RUNX2: variants seen among roughly 807,000 people sequenced by gnomAD.
The protein encoded by RUNX2 is RUNX family transcription factor 2, also known as runt-related transcription factor 2.
A neutral mutation model predicts 51.7 loss-of-function variants in RUNX2; 10 were observed. The observed-to-expected ratio is 0.19, with a 90% CI of 0.12 to 0.33. The LOEUF (loss-of-function observed/expected upper bound fraction) is 0.33. Ranked by LOEUF, RUNX2 falls within the 10% of genes least tolerant of loss-of-function variation. RUNX2 has a pLI of 1.00. For synonymous variants in RUNX2, 276 were observed against 273.6 expected (o/e 1.01, Z -0.09); for missense variants, 562 against 691.3 (o/e 0.81, Z 2.10).
intron 2 of RUNX2, among the ~76,000 whole-genome samples, chr6:45,408,862 G>A (rs1038745749): frequency 6.6e-6 from 1 of 152,210 alleles, no homozygotes; most frequent in Admixed American, 6.5e-5. Context: ...CTGATGAACA[G>A]CTATGGAGCT....
At chr6:45,470,865 G>A (rs1445783616) in intron 5 of RUNX2, among the ~76,000 whole-genome samples, 1 of 152,034 alleles carries the variant, frequency 6.6e-6, no homozygotes, top group African/African-American at 2.4e-5. Flanking sequence ...TGGCTTTTGT[G>A]AGGGCAAAAA....
At chr6:45,401,872 T>C (rs545202508) in intron 2 of RUNX2, among the ~76,000 whole-genome samples, 71 of 152,354 alleles carry the variant, frequency 4.7e-4, no homozygotes, top group African/African-American at 1.6e-3. Context: ...TGGTGCTCAT[T>C]TGGCACAAAC....
At chr6:45,451,020 G>T (rs766975501) in intron 5 of RUNX2, among the ~76,000 whole-genome samples, 1 of 152,168 alleles carries the variant, frequency 6.6e-6, no homozygotes, top group Non-Finnish European at 1.5e-5. Flanking sequence ...TTAAGGCTTC[G>T]AGGACAGGAT....
rs1191064002 is a variant in RUNX2, at chr6:45,548,897, A to T, written c.*1592A>T. 3 of 368,592 alleles carry T rather than the reference A, an allele frequency of 8.1e-6. No homozygotes were observed. Among genetic ancestry groups the T allele is most frequent in the Non-Finnish European group, 1.4e-5 (3 of 207,102 alleles). The allele number at this position is 368,592 out of a possible 1,614,324, so 22.8% of individuals were successfully genotyped here. A position where few individuals can be genotyped will look rare whatever the true frequency, so the allele number is the denominator to read the frequency against. ...TTTGCATTTAGAGGAGCAGAATGACATCACTGTCCTTTGGGAGTAGGTCCT... is the reference window on the plus strand; with the variant it reads ...TTTGCATTTAGAGGAGCAGAATGACTTCACTGTCCTTTGGGAGTAGGTCCT... On this transcript the variant is annotated 3_prime_UTR_variant, in exon 9 of 9. Coordinates refer to ENST00000647337, the MANE Select transcript of RUNX2 (RefSeq NM_001024630.4).
chr6:45,341,618 C>T (rs1789796612), intron 2 of RUNX2, among the ~76,000 whole-genome samples: 1 of 152,032 alleles, frequency 6.6e-6, no homozygotes, highest in South Asian at 2.1e-4. Flanking sequence ...ATAAAGAGTA[C>T]AATGGCATAA....
intron 2 of RUNX2, among the ~76,000 whole-genome samples, chr6:45,350,132 G>T (rs908358148): frequency 2.0e-5 from 3 of 152,138 alleles, no homozygotes; most frequent in Non-Finnish European, 4.4e-5. Context: ...TCTGAGAAAT[G>T]AGAAATAAAA....
At chr6:45,513,474 G>A (rs1275721898) in intron 7 of RUNX2, 1 of 152,208 alleles carries the variant, frequency 6.6e-6, no homozygotes, top group Non-Finnish European at 1.5e-5. Flanking sequence ...TCACTCCGCT[G>A]AGTTGCATCA....
In RUNX2 at chr6:45,541,166, A is replaced by ATT. The variant is rs35035086; in HGVS notation, c.1022-4042_1022-4041dup. On this transcript the variant is annotated intron_variant, in intron 7 of 8. Coordinates refer to ENST00000647337, the MANE Select transcript of RUNX2 (RefSeq NM_001024630.4). ...TTTATCCATCCAACCATGCACTGACATTTTTTTTTTCATTTTAGCCTCTTA... is the reference window on the plus strand; with the variant it reads ...TTTATCCATCCAACCATGCACTGACATTTTTTTTTTTTCATTTTAGCCTCTTA... Among the ~76,000 whole-genome samples, 34 of 149,012 alleles carry ATT rather than the reference A, an allele frequency of 2.3e-4. No individual in the cohort carries two copies. The South Asian group carries it at 2.8e-3, about 12-fold the overall frequency.
At chr6:45,339,879 G>C (rs866355545) in intron 2 of RUNX2, among the ~76,000 whole-genome samples, 11 of 152,120 alleles carry the variant, frequency 7.2e-5, no homozygotes, top group South Asian at 2.1e-4. Flanking sequence ...ATTGTCGAGC[G>C]TTTACTGTAC....
chr6:45,354,182 G>T (rs577899498), intron 2 of RUNX2, among the ~76,000 whole-genome samples: 2 of 152,160 alleles, frequency 1.3e-5, no homozygotes, highest in South Asian at 4.2e-4. Context: ...CAAATAGTAG[G>T]TTTCAAGATT....
chr6:45,549,436 G>T lies in RUNX2; in HGVS notation c.*2131G>T. The T allele has an allele frequency of 2.5e-6, 1 of 398,406 alleles. No individual in the cohort carries two copies. The highest frequency in any genetic ancestry group is 1.3e-4 in the South Asian group (1 of 7,776). 24.7% of individuals were successfully genotyped at this position (398,406 alleles called of 1,614,324 possible). Reference sequence around the variant, plus strand: ...GACTCCTTCTAATAAAAATGGATGGGAAAGCAAAACACTTTGCCTTCTAAA... The same window carrying T: ...GACTCCTTCTAATAAAAATGGATGGTAAAGCAAAACACTTTGCCTTCTAAA... On this transcript the variant is annotated 3_prime_UTR_variant, in exon 9 of 9. Transcript: ENST00000647337.
intron 7 of RUNX2, among the ~76,000 whole-genome samples, chr6:45,531,557 A>G (rs1801842540): frequency 6.6e-6 from 1 of 152,180 alleles, no homozygotes; most frequent in Non-Finnish European, 1.5e-5. Context: ...GATCGAGACC[A>G]TCCTGGCCAA....
At chr6:45,397,658 G>T (rs1010163383) in intron 2 of RUNX2, among the ~76,000 whole-genome samples, 3 of 151,968 alleles carry the variant, frequency 2.0e-5, no homozygotes, top group African/African-American at 4.8e-5. Flanking sequence ...TTCAAAAATG[G>T]TATATTAGCC....
In RUNX2 at chr6:45,380,436, G is replaced by A. The variant is rs556414027; in HGVS notation, c.59-42157G>A. On this transcript the variant is annotated intron_variant, in intron 2 of 8. Transcript: ENST00000647337. Reference sequence around the variant, plus strand: ...GTAATATTCACGTAGACTCACTAGTGCAAAGAGAAAGTGCATGTATCTAAG... The same window carrying A: ...GTAATATTCACGTAGACTCACTAGTACAAAGAGAAAGTGCATGTATCTAAG... Among the ~76,000 whole-genome samples the A allele has an allele frequency of 6.6e-5, 10 of 152,338 alleles. No individual in the cohort carries two copies. The South Asian group carries it at 2.1e-3, about 32-fold the overall frequency.
intron 6 of RUNX2, among the ~76,000 whole-genome samples, chr6:45,509,956 C>T (rs1050130954): frequency 1.3e-5 from 2 of 152,166 alleles, no homozygotes; most frequent in Non-Finnish European, 2.9e-5. Flanking sequence ...ACTTATTTAG[C>T]TATGTGGTTC....
In RUNX2 at chr6:45,328,365, G is replaced by T; in HGVS notation, c.-162G>T. 1 of 1,381,708 alleles carries T rather than the reference G, an allele frequency of 7.2e-7. No homozygotes were observed. The highest frequency in any genetic ancestry group is 9.7e-7 in the Non-Finnish European group (1 of 1,032,116). 85.6% of individuals were successfully genotyped at this position (1,381,708 alleles called of 1,614,324 possible). On this transcript the variant is annotated 5_prime_UTR_variant, in exon 1 of 9. Coordinates refer to ENST00000647337, the MANE Select transcript of RUNX2 (RefSeq NM_001024630.4). ...CAAACAACCACAGAACCACAAGTGC[G>T]GTGCAAACTTTCTCCAGGAGGACAG... is the stretch of plus-strand genomic sequence containing the variant.
chr6:45,412,662 GT>G (rs1408701305), intron 2 of RUNX2, among the ~76,000 whole-genome samples: 1 of 151,138 alleles, frequency 6.6e-6, no homozygotes, highest in Non-Finnish European at 1.5e-5. Flanking sequence ...TAAAAAAACA[GT>G]TTTTTTCCTA....
At chr6:45,497,695 A>G (rs115283400) in intron 6 of RUNX2, among the ~76,000 whole-genome samples, 1,997 of 152,088 alleles carry the variant, frequency 0.013, 21 homozygotes, top group Admixed American at 0.023. Flanking sequence ...TGTGCTGATG[A>G]TTACTGTTCA....
At chr6:45,369,988 T>C (rs1795785820) in intron 2 of RUNX2, among the ~76,000 whole-genome samples, 1 of 152,174 alleles carries the variant, frequency 6.6e-6, no homozygotes, top group Non-Finnish European at 1.5e-5. Context: ...GCAGATCTTA[T>C]AAAGCCTTTA....
Sources: gnomAD v4.1 joint callset for allele counts (sites outside exome capture counted in the v4.1 genomes callset) on GRCh38, gnomAD v4.1.1 for gene constraint, MANE v1.5 for transcripts, NCBI Gene and HGNC (gene_info 2026-07-23, HGNC 2026-07-21) for gene names.